MGA: variants seen among roughly 807,000 people sequenced by gnomAD.
The protein encoded by MGA is MAX dimerization protein MGA.
Under a neutral mutation model 261.1 loss-of-function variants are expected in MGA, and 40 were observed. The observed-to-expected ratio is 0.15, with a 90% CI of 0.12 to 0.20. MGA has a LOEUF of 0.20. Among genes scored for constraint, MGA ranks in the 10% least tolerant of loss-of-function variants. MGA has a pLI of 1.00. For missense variants in MGA, 3,397 were observed against 3,630.5 expected (o/e 0.94, Z 1.65); for synonymous variants, 1,302 against 1,290.6 (o/e 1.01, Z -0.19).
In MGA at chr15:41,765,194, G is replaced by A; in HGVS notation, c.7921+132G>A. Reference sequence around the variant, plus strand: ...CTGTTGGCATTTGCCTTGGTAAGAGGTGGCCCTATTTTTAGAACACATTTG... The same window carrying A: ...CTGTTGGCATTTGCCTTGGTAAGAGATGGCCCTATTTTTAGAACACATTTG... On this transcript the variant is annotated intron_variant, in intron 23 of 23. Transcript: ENST00000219905. The A allele has an allele frequency of 3.7e-6, 4 of 1,074,240 alleles. No individual in the cohort carries two copies. In the South Asian group the frequency reaches 6.0e-5, roughly 16 times the overall value. The allele number at this position is 1,074,240 out of a possible 1,614,324, so 66.5% of individuals were successfully genotyped here.
chr15:41,689,475 A>G (rs1310379706), intron 2 of MGA, among the ~76,000 whole-genome samples: 1 of 151,940 alleles, frequency 6.6e-6, no homozygotes, highest in East Asian at 1.9e-4. Context: ...TTTAAATAAT[A>G]TAAGAAAAGT....
chr15:41,669,608 T>G lies in MGA; in HGVS notation c.714T>G (p.Ala238=). 6.2e-7 allele frequency: 1 copy of G among 1,614,006 alleles called. No individual in the cohort carries two copies. The highest frequency in any genetic ancestry group is 1.6e-4 in the Middle Eastern group (1 of 6,062). ...AGACTGAATTCTTTGCAGTAACAGC[T>G]TATCAGAACATTCAGATTACTCAGC... Residue 238 remains alanine, a synonymous_variant, in exon 2 of 24, where the codon GCT becomes GCG. Transcript: ENST00000219905.
At chr15:41,688,103 CCTCG>C (rs2059060993) in intron 2 of MGA, among the ~76,000 whole-genome samples, 1 of 152,090 alleles carries the variant, frequency 6.6e-6, no homozygotes, top group Non-Finnish European at 1.5e-5. Flanking sequence ...TGAGATGGAA[CCTCG>C]CTCTGTCACT....
rs751205987 is a variant in MGA at position 41,696,692 on chromosome 15, G to A, written c.1682G>A (p.Ser561Asn). ...TATCCTGATATATCTGACAGCATTA[G>A]CACAGAAAGAATACTCGACGATTCA... Residue 561 changes from serine to asparagine, a missense_variant, in exon 3 of 24, where the codon AGC becomes AAC. By Grantham distance (46) the Ser-to-Asn change is conservative (BLOSUM62 1). This residue lies in a region of MGA where 563 missense variants were observed against 563.6 expected (regional missense o/e 1.00). Coordinates refer to ENST00000219905, the MANE Select transcript of MGA (RefSeq NM_001164273.2). 24 of 1,612,614 alleles carry A rather than the reference G, an allele frequency of 1.5e-5. No homozygotes were observed. Among genetic ancestry groups the A allele is most frequent in the Admixed American group, 1.0e-4 (6 of 59,748 alleles).
intron 1 of MGA, among the ~76,000 whole-genome samples, chr15:41,652,034 T>C (rs1226717412): frequency 1.6e-5 from 2 of 127,452 alleles, no homozygotes; most frequent in Non-Finnish European, 3.3e-5. Context: ...TGTGCGATGT[T>C]GGCTCACTGC....
upstream of MGA, among the ~76,000 whole-genome samples, chr15:41,660,241 G>A (rs1010651227): frequency 6.6e-6 from 1 of 152,218 alleles, no homozygotes; most frequent in Non-Finnish European, 1.5e-5. Flanking sequence ...CGGAAAAGCA[G>A]CGGCTTCCAC....
At chr15:41,737,707 G>A (rs527498076) in intron 13 of MGA, among the ~76,000 whole-genome samples, 2 of 152,128 alleles carry the variant, frequency 1.3e-5, no homozygotes, top group African/African-American at 2.4e-5. Flanking sequence ...CTAGCTGAGC[G>A]CAGTGGCTTA....
At chr15:41,695,774 T>C (rs2059524839) in intron 2 of MGA, among the ~76,000 whole-genome samples, 2 of 152,238 alleles carry the variant, frequency 1.3e-5, no homozygotes, top group Admixed American at 1.3e-4. Context: ...CTAAAATTGC[T>C]GCAATATTAT....
At chr15:41,649,838 C>A (rs533727765) in intron 1 of MGA, among the ~76,000 whole-genome samples, 179 of 152,266 alleles carry the variant, frequency 1.2e-3, no homozygotes, top group African/African-American at 3.6e-3. Flanking sequence ...CGCCACCACA[C>A]CTGGCTAATT....
rs138189670 is a variant in MGA at position 41,653,939 on chromosome 15, C to T, written c.-67-14889C>T. 1.0e-3 allele frequency among the ~76,000 whole-genome samples: 155 copies of T among 152,228 alleles called. 4 individuals are homozygous for T. In the East Asian group the frequency reaches 0.026, roughly 26 times the overall value. Reference sequence around the variant, plus strand: ...TTGGTTTCACTACACTGTTCTGTACCGTTACCAAAGTTCCAGGATCTTGCC... The same window carrying T: ...TTGGTTTCACTACACTGTTCTGTACTGTTACCAAAGTTCCAGGATCTTGCC... On this transcript the variant is annotated intron_variant, in intron 1 of 8. Transcript: ENST00000566718.
intron 1 of MGA, among the ~76,000 whole-genome samples, chr15:41,665,807 A>C (rs939311504): frequency 6.6e-6 from 1 of 152,210 alleles, no homozygotes; most frequent in African/African-American, 2.4e-5. Flanking sequence ...CCACTAATCT[A>C]CTTTGTTTCT....
chr15:41,721,379 A>T (rs2060930687), intron 9 of MGA, among the ~76,000 whole-genome samples: 1 of 152,148 alleles, frequency 6.6e-6, no homozygotes, highest in Non-Finnish European at 1.5e-5. Context: ...GAGGCACAAA[A>T]ATCGCTTGAA....
chr15:41,714,073 T>G (rs1036693328), intron 9 of MGA, among the ~76,000 whole-genome samples: 2 of 152,190 alleles, frequency 1.3e-5, no homozygotes, highest in Non-Finnish European at 2.9e-5. Flanking sequence ...TGTTATATCT[T>G]TGTATTTTGT....
At position 41,729,007 on chromosome 15, in the gene MGA, G is replaced by A. The variant is rs1362629168; in HGVS notation, c.3658-157G>A. ...ATCCTTTCTGACTGCCCTAAGGTTC[G>A]GCACATATGAACTGTACTTGTGCTG... On this transcript the variant is annotated intron_variant, in intron 10 of 23. Coordinates refer to ENST00000219905, the MANE Select transcript of MGA (RefSeq NM_001164273.2). Among the ~76,000 whole-genome samples the A allele has an allele frequency of 7.9e-5, 12 of 152,170 alleles. No homozygotes were observed. In the East Asian group the frequency reaches 1.9e-3, roughly 24 times the overall value.
chr15:41,640,645 A>G lies in MGA; in HGVS notation c.-68+19347A>G, dbSNP rs564693363. 1.1e-4 allele frequency among the ~76,000 whole-genome samples: 16 copies of G among 152,152 alleles called. 1 individual carries two copies. The South Asian group carries it at 3.1e-3, about 30-fold the overall frequency. On this transcript the variant is annotated intron_variant, in intron 1 of 8. Coordinates refer to the MGA transcript ENST00000566718. Reference sequence around the variant, plus strand: ...GCGATTCTCCTGCCTCAGCCTCCCAAGTAGCTGGGATTACAGGCATACGCC... The same window carrying G: ...GCGATTCTCCTGCCTCAGCCTCCCAGGTAGCTGGGATTACAGGCATACGCC...
rs753892388 is a variant in MGA at position 41,742,796 on chromosome 15, G to T, written c.4836G>T (p.Val1612=). 1.2e-6 allele frequency: 2 copies of T among 1,613,926 alleles called. No homozygotes were observed. The highest frequency in any genetic ancestry group is 2.2e-5 in the South Asian group (2 of 91,072). The stretch of plus-strand genomic sequence containing the variant: ...TGTTTTTAGAAAATACTACTGCTGT[G>T]ACACCTATGACTGCTATTTCTGACG... The change falls in exon 15 of 24, where the codon GTG becomes GTT. Residue 1612 remains valine, a synonymous_variant. Coordinates refer to ENST00000219905, the MANE Select transcript of MGA (RefSeq NM_001164273.2).
At position 41,767,227 on chromosome 15, in the gene MGA, G is replaced by A. The variant is rs1255166940; in HGVS notation, c.9145G>A (p.Val3049Ile). Reference sequence around the variant, plus strand: ...CAAGGTGATGCCTACATTGGCACCTGTTGTGGCTAAATTGGGCAACTCGGG... The same window carrying A: ...CAAGGTGATGCCTACATTGGCACCTATTGTGGCTAAATTGGGCAACTCGGG... Residue 3049 changes from valine (V) to isoleucine (I), a missense_variant, in exon 24 of 24, where the codon GTT becomes ATT. Physicochemically the swap from Val to Ile is conservative, Grantham distance 29. This residue lies in a region of MGA where 647 missense variants were observed against 642.4 expected (regional missense o/e 1.01). Coordinates refer to ENST00000219905, the MANE Select transcript of MGA (RefSeq NM_001164273.2). 1 of 1,613,782 alleles carries A rather than the reference G, an allele frequency of 6.2e-7. No homozygotes were observed. Among genetic ancestry groups the A allele is most frequent in the Non-Finnish European group, 8.5e-7 (1 of 1,179,832 alleles).
At chr15:41,625,941 G>A (rs1399646537) in intron 1 of MGA, among the ~76,000 whole-genome samples, 4 of 152,192 alleles carry the variant, frequency 2.6e-5, no homozygotes, top group South Asian at 2.1e-4. Flanking sequence ...GTTATCTGCT[G>A]TCAACTGTGG....
At position 41,761,808 on chromosome 15, in the gene MGA, C is replaced by G; in HGVS notation, c.7468C>G (p.Arg2490Gly). Residue 2490 changes from arginine to glycine, a missense_variant, in exon 21 of 24, where the codon CGA becomes GGA. Arg to Gly is a moderately radical substitution (Grantham distance 125). Coordinates refer to ENST00000219905, the MANE Select transcript of MGA (RefSeq NM_001164273.2). ...GATAGGACAGAAAAATCTCCTGACT[C>G]GAAAACGGAATATTCTGATACGGAA... 1 of 1,595,942 alleles carries G rather than the reference C, an allele frequency of 6.3e-7. No homozygotes were observed. The highest frequency in any genetic ancestry group is 8.5e-7 in the Non-Finnish European group (1 of 1,170,422).
Sources: gnomAD v4.1 joint callset for allele counts (sites outside exome capture counted in the v4.1 genomes callset) on GRCh38, gnomAD v4.1.1 for gene constraint, gnomAD v4.1.1 regional missense constraint, MANE v1.5 for transcripts, NCBI Gene and HGNC (gene_info 2026-07-23, HGNC 2026-07-21) for gene names.